Variants in RNF216 observed in about 807,000 individuals in gnomAD.
RNF216 encodes ring finger protein 216.
Under a neutral mutation model 110.8 loss-of-function variants are expected in RNF216, and 72 were observed. The ratio of observed to expected loss-of-function variants is 0.65; its 90% CI spans 0.54 to 0.79. The LOEUF (loss-of-function observed/expected upper bound fraction) is 0.79. Among genes scored for constraint, RNF216 ranks in the 30% least tolerant of loss-of-function variants. The probability of loss-of-function intolerance (pLI) is 0.00; values close to 1 mark genes in which losing one functional copy is unlikely to be tolerated. For synonymous variants in RNF216, 495 were observed against 407.5 expected (o/e 1.21, Z -2.59); for missense variants, 1,342 against 1,141.2 (o/e 1.18, Z -2.54).
intron 13 of RNF216, among the ~76,000 whole-genome samples, chr7:5,671,666 G>A (rs1022859454): frequency 4.8e-4 from 73 of 152,148 alleles, no homozygotes; most frequent in African/African-American, 1.7e-3. Context: ...TCAGCTGGGC[G>A]CGGTGGCGGG....
At chr7:5,730,217 C>A (rs1011630730) in intron 6 of RNF216, among the ~76,000 whole-genome samples, 4 of 152,108 alleles carry the variant, frequency 2.6e-5, no homozygotes, top group Non-Finnish European at 5.9e-5. Context: ...CTTTGAAATG[C>A]ATTATCATGA....
At chr7:5,777,912 G>T (rs1353115831) in intron 1 of RNF216, among the ~76,000 whole-genome samples, 1 of 152,164 alleles carries the variant, frequency 6.6e-6, no homozygotes, top group Non-Finnish European at 1.5e-5. Context: ...ATGAAAATTA[G>T]TTTAGAAACT....
At chr7:5,637,450 C>A (rs1396404869) in intron 15 of RNF216, among the ~76,000 whole-genome samples, 1 of 152,220 alleles carries the variant, frequency 6.6e-6, no homozygotes, top group African/African-American at 2.4e-5. Flanking sequence ...CAGTTAGGAG[C>A]TTGTTCCGTG....
intron 5 of RNF216, among the ~76,000 whole-genome samples, chr7:5,735,326 C>A (rs1357325890): frequency 6.6e-6 from 1 of 151,960 alleles, no homozygotes; most frequent in Non-Finnish European, 1.5e-5. Context: ...TTAGAAAATA[C>A]ACAAGAAAAC....
At position 5,676,781 on chromosome 7, in the gene RNF216, C is replaced by T. The variant is rs117330906; in HGVS notation, c.2062-24271G>A. On this transcript the variant is annotated intron_variant, in intron 13 of 16. Coordinates refer to ENST00000389902, the MANE Select transcript of RNF216 (RefSeq NM_207111.4). ...TAAACATACAGTGCAACCTGAGCCA[C>T]GACACAGAAAAGCCACTGGACTCAG... Among the ~76,000 whole-genome samples, 20 of 152,322 alleles carry T rather than the reference C, an allele frequency of 1.3e-4. No individual in the cohort carries two copies. The East Asian group carries it at 3.3e-3, about 25-fold the overall frequency.
intron 9 of RNF216, among the ~76,000 whole-genome samples, chr7:5,718,669 T>G (rs1793220610): frequency 6.6e-6 from 1 of 151,676 alleles, no homozygotes; most frequent in Non-Finnish European, 1.5e-5. Context: ...TCGTGCCTCA[T>G]CCTCCCAAGT....
intron 9 of RNF216, among the ~76,000 whole-genome samples, chr7:5,720,213 A>G (rs1281399855): frequency 6.6e-6 from 1 of 152,154 alleles, no homozygotes; most frequent in African/African-American, 2.4e-5. Flanking sequence ...GGACCCACTT[A>G]TGTGCTGATT....
intron 8 of RNF216, among the ~76,000 whole-genome samples, chr7:5,723,783 A>G (rs1401221625): frequency 6.6e-6 from 1 of 152,204 alleles, no homozygotes; most frequent in Non-Finnish European, 1.5e-5. Flanking sequence ...TAGCCCAAAG[A>G]GCAGTGTTTA....
rs1796227900 is a variant in RNF216 at position 5,766,704 on chromosome 7, GTCAGCTT to G, written c.-69-5573_-69-5567del. 3.9e-5 allele frequency among the ~76,000 whole-genome samples: 6 copies of G among 152,330 alleles called. No individual in the cohort carries two copies. In the East Asian group the frequency reaches 1.2e-3, roughly 29 times the overall value. On this transcript the variant is annotated intron_variant, in intron 1 of 16. Transcript: ENST00000389902. ...GCTATTTTGTTAGTCTATGGTATCA[GTCAGCTT>G]GAGCTGACTAATACAGGTGGAATTA... is the stretch of plus-strand genomic sequence containing the variant.
At position 5,624,289 on chromosome 7, in the gene RNF216, G is replaced by A. The variant is rs1165359541; in HGVS notation, c.2383-164C>T. Among the ~76,000 whole-genome samples the A allele has an allele frequency of 1.3e-5, 2 of 152,124 alleles. No individual in the cohort carries two copies. Among genetic ancestry groups the A allele is most frequent in the East Asian group, 1.9e-4 (1 of 5,184 alleles). ...GCACACCGTTCCTTCCTATTTCCCC[G>A]AAGGCCTCCTTCCTTCATCAGCCTG... On this transcript the variant is annotated intron_variant, in intron 15 of 16. Coordinates refer to ENST00000389902, the MANE Select transcript of RNF216 (RefSeq NM_207111.4). This position sits in a 1 kb window ranked among gnomAD's most constrained non-coding sequence, Gnocchi z 4.4.
intron 13 of RNF216, among the ~76,000 whole-genome samples, chr7:5,653,201 A>G (rs1358433580): frequency 2.0e-5 from 3 of 152,124 alleles, no homozygotes; most frequent in Non-Finnish European, 4.4e-5. Context: ...TTCATATATA[A>G]ACATGCATCT....
chr7:5,661,268 G>A (rs893818920), intron 13 of RNF216, among the ~76,000 whole-genome samples: 2 of 152,174 alleles, frequency 1.3e-5, no homozygotes, highest in East Asian at 1.9e-4. Context: ...AAGGGATTGG[G>A]TCTCACTCTA....
chr7:5,688,897 C>T (rs1026921493), intron 13 of RNF216, among the ~76,000 whole-genome samples: 2 of 152,154 alleles, frequency 1.3e-5, no homozygotes, highest in Non-Finnish European at 2.9e-5. Flanking sequence ...CTGTGTTCTT[C>T]AATATAAAGT....
intron 10 of RNF216, among the ~76,000 whole-genome samples, chr7:5,716,242 T>C (rs1385902486): frequency 6.6e-6 from 1 of 151,890 alleles, no homozygotes; most frequent in African/African-American, 2.4e-5. Flanking sequence ...CCAGGTGTAG[T>C]GGCTCACACC....
chr7:5,751,802 A>G (rs1795339289), intron 3 of RNF216, among the ~76,000 whole-genome samples: 1 of 149,080 alleles, frequency 6.7e-6, no homozygotes, highest in African/African-American at 2.5e-5. Flanking sequence ...TAGAACCACA[A>G]TAAAGCCAAC....
intron 2 of RNF216, among the ~76,000 whole-genome samples, chr7:5,758,768 T>C (rs1795777359): frequency 6.6e-6 from 1 of 152,230 alleles, no homozygotes; most frequent in Admixed American, 6.5e-5. Flanking sequence ...TGTTTTTGAC[T>C]TTACAGGCTC....
At chr7:5,691,127 C>A (rs749133468) in intron 13 of RNF216, among the ~76,000 whole-genome samples, 3 of 152,224 alleles carry the variant, frequency 2.0e-5, no homozygotes, top group African/African-American at 7.2e-5. Flanking sequence ...ACACCCATTT[C>A]TCTAACCGTG....
At chr7:5,713,770 C>G (rs1792870091) in intron 11 of RNF216, among the ~76,000 whole-genome samples, 2 of 152,214 alleles carry the variant, frequency 1.3e-5, no homozygotes, top group African/African-American at 4.8e-5. Context: ...TTAAAAATAA[C>G]TAGCTAAAAT....
At chr7:5,700,863 T>C (rs1562405211) in intron 13 of RNF216, among the ~76,000 whole-genome samples, 1 of 152,178 alleles carries the variant, frequency 6.6e-6, no homozygotes, top group Non-Finnish European at 1.5e-5. Flanking sequence ...CAAAAACTCA[T>C]GCCCAATGCA....
Sources: allele counts gnomAD v4.1 joint callset (sites outside exome capture counted in the v4.1 genomes callset), GRCh38; gene constraint gnomAD v4.1.1; non-coding constraint Gnocchi (gnomAD v3.1); transcripts MANE v1.5; gene names NCBI Gene and HGNC (gene_info 2026-07-23, HGNC 2026-07-21).